ERC1: variants seen among roughly 807,000 people sequenced by gnomAD.
ERC1 encodes RAB6 interacting protein 2.
ERC1 carries 56 observed loss-of-function variants against 132.0 expected under a neutral mutation model. The observed-to-expected ratio is 0.42, with a 90% CI of 0.34 to 0.53. The LOEUF (loss-of-function observed/expected upper bound fraction) is 0.53, where lower values mean the gene tolerates loss of function less well. ERC1 is among the 20% of genes least tolerant of loss of function. ERC1 has a pLI of 0.03. For missense variants in ERC1, 1,202 were observed against 1,349.9 expected (o/e 0.89, Z 1.72); for synonymous variants, 478 against 476.1 (o/e 1.00, Z -0.05).
intron 18 of ERC1, among the ~76,000 whole-genome samples, chr12:1,448,030 C>G (rs994279871): frequency 6.6e-6 from 1 of 151,952 alleles, no homozygotes; most frequent in African/African-American, 2.4e-5. Flanking sequence ...CTCAGTCTTA[C>G]CAAGGGGAAA....
chr12:1,104,862 T>C, intron 4 of ERC1, 38 bp downstream of exon 4: 3 of 1,410,288 alleles, frequency 2.1e-6, no homozygotes, highest in Non-Finnish European at 2.0e-6. Flanking sequence ...ATGAATTACC[T>C]TATACTTTTA....
At chr12:1,395,136 G>C (rs891405756) in intron 16 of ERC1, among the ~76,000 whole-genome samples, 4 of 152,204 alleles carry the variant, frequency 2.6e-5, no homozygotes, top group Non-Finnish European at 5.9e-5. Flanking sequence ...TGTGAGATCT[G>C]TACTCCAAAG....
At chr12:1,454,561 C>T (rs891619190) in intron 18 of ERC1, among the ~76,000 whole-genome samples, 3 of 152,220 alleles carry the variant, frequency 2.0e-5, no homozygotes, top group Middle Eastern at 3.4e-3. Context: ...CTAGGACACC[C>T]GGTTGGCGTC....
upstream of ERC1, chr12:990,934 C>CGTGTGTGTGTGTGTGTGTGTGTGT (rs758442595): frequency 7.1e-4 from 71 of 99,404 alleles, no homozygotes; most frequent in African/African-American, 2.1e-3. Flanking sequence ...CCGCAGGGGT[C>CGTGTGTGTGTGTGTGTGTGTGTGT]GTGTGTGTGT....
At chr12:1,289,367 A>T (rs2079271040) in intron 14 of ERC1, among the ~76,000 whole-genome samples, 1 of 151,908 alleles carries the variant, frequency 6.6e-6, no homozygotes, top group South Asian at 2.1e-4. Context: ...TTAAAAAGAA[A>T]TTCTTCTTAA....
intron 1 of ERC1, among the ~76,000 whole-genome samples, chr12:1,022,312 A>G (rs1458652440): frequency 6.6e-6 from 1 of 152,248 alleles, no homozygotes; most frequent in Non-Finnish European, 1.5e-5. Flanking sequence ...CTCTTGTTGC[A>G]TTACAATTAC....
At chr12:1,478,291 C>T (rs921832039) in intron 18 of ERC1, among the ~76,000 whole-genome samples, 1 of 152,148 alleles carries the variant, frequency 6.6e-6, no homozygotes, top group Non-Finnish European at 1.5e-5. Context: ...CTTGTATTTT[C>T]CTGATGACTA....
At chr12:1,239,970 G>A (rs2075686178) in intron 13 of ERC1, among the ~76,000 whole-genome samples, 1 of 152,124 alleles carries the variant, frequency 6.6e-6, no homozygotes, top group Non-Finnish European at 1.5e-5. Context: ...TAAAATTCCT[G>A]GACCAGGAAC....
At chr12:1,147,621 C>T (rs986451785) in intron 8 of ERC1, among the ~76,000 whole-genome samples, 4 of 152,068 alleles carry the variant, frequency 2.6e-5, no homozygotes, top group African/African-American at 9.7e-5. Flanking sequence ...ATTAATAATG[C>T]GTAAGCCTTT....
intron 13 of ERC1, chr12:1,245,103 A>G (rs946875569): frequency 2.0e-5 from 3 of 152,262 alleles, no homozygotes; most frequent in Non-Finnish European, 4.4e-5. Flanking sequence ...ACTCTGAAAA[A>G]TAAAATACAT....
intron 3 of ERC1, among the ~76,000 whole-genome samples, chr12:1,096,813 A>T (rs1360984810): frequency 6.6e-6 from 1 of 152,222 alleles, no homozygotes; most frequent in Non-Finnish European, 1.5e-5. Context: ...GTCTAGAAAT[A>T]GAACTTTCAC....
At chr12:1,440,600 TTGTGTG>T (rs56749397) in intron 17 of ERC1, among the ~76,000 whole-genome samples, 4,754 of 50,788 alleles carry the variant, frequency 0.094, 401 homozygotes, top group East Asian at 0.12. Flanking sequence ...CCTCAGCCTT[TTGTGTG>T]TGTGTGTGTG....
Position 1,451,596 on chromosome 12 carries a change from A to G in ERC1, c.3213+6846A>G, listed in dbSNP as rs543443399. 5.9e-5 allele frequency among the ~76,000 whole-genome samples: 9 copies of G among 152,298 alleles called. No individual in the cohort carries two copies. In the South Asian group the frequency reaches 8.3e-4, roughly 14 times the overall value. ...GCTATGATCACGCCACTGCACTCCA[A>G]CCTGGGCTGCAGAATGAGACCCTGT... On this transcript the variant is annotated intron_variant, in intron 18 of 18. Coordinates refer to ENST00000360905, the MANE Select transcript of ERC1 (RefSeq NM_178040.4).
intron 2 of ERC1, among the ~76,000 whole-genome samples, chr12:1,048,108 T>C (rs1410179130): frequency 6.6e-6 from 1 of 152,218 alleles, no homozygotes; most frequent in East Asian, 1.9e-4. Flanking sequence ...CTAGAGGGCG[T>C]TGACTTTCTC....
chr12:1,056,324 A>G (rs1272651141), intron 2 of ERC1, among the ~76,000 whole-genome samples: 1 of 152,182 alleles, frequency 6.6e-6, no homozygotes, highest in Admixed American at 6.6e-5. Context: ...TTGATACCCA[A>G]GATTTGTTGT....
At chr12:1,468,901 C>T (rs2093801305) in intron 18 of ERC1, among the ~76,000 whole-genome samples, 1 of 152,230 alleles carries the variant, frequency 6.6e-6, no homozygotes, top group Non-Finnish European at 1.5e-5. Flanking sequence ...TTTCCCACTA[C>T]TTCCCTGTGC....
At chr12:1,352,274 A>T (rs1307949786) in intron 15 of ERC1, among the ~76,000 whole-genome samples, 2 of 152,202 alleles carry the variant, frequency 1.3e-5, no homozygotes, top group Non-Finnish European at 2.9e-5. Context: ...GTCACATAGA[A>T]GGCATTTAAT....
chr12:1,295,271 G>A (rs952805378), intron 15 of ERC1, among the ~76,000 whole-genome samples: 2 of 152,156 alleles, frequency 1.3e-5, no homozygotes, highest in East Asian at 1.9e-4. Flanking sequence ...GTCCCCCATC[G>A]ATTTAAAAAT....
At chr12:1,436,016 C>T (rs1477639669) in intron 17 of ERC1, among the ~76,000 whole-genome samples, 4 of 152,208 alleles carry the variant, frequency 2.6e-5, no homozygotes, top group Admixed American at 6.5e-5. Flanking sequence ...TGGCTATAGC[C>T]TAGCTGTGAG....
Sources: gnomAD v4.1 joint callset for allele counts (sites outside exome capture counted in the v4.1 genomes callset) on GRCh38, gnomAD v4.1.1 for gene constraint, MANE v1.5 for transcripts, NCBI Gene and HGNC (gene_info 2026-07-23, HGNC 2026-07-21) for gene names.